The following EIF2AK2 variants were observed in gnomAD, a reference collection of about 807,000 sequenced individuals.
EIF2AK2 encodes interferon-induced, double-stranded RNA-activated protein kinase.
A neutral mutation model predicts 70.5 loss-of-function variants in EIF2AK2; 40 were observed. That is an observed-to-expected ratio of 0.57 (90% CI 0.44 to 0.74). The LOEUF is 0.74. Among genes scored for constraint, EIF2AK2 ranks in the 30% least tolerant of loss-of-function variants. The pLI is 0.00. For synonymous variants in EIF2AK2, 198 were observed against 220.9 expected, an observed-to-expected ratio of 0.90 and a Z score of 0.92; for missense variants, 555 against 644.3, an observed-to-expected ratio of 0.86 and a Z score of 1.50.
At chr2:37,134,149 A>C (rs1351331711) in intron 10 of EIF2AK2, among the ~76,000 whole-genome samples, 1 of 152,146 alleles carries the variant, frequency 6.6e-6, no homozygotes, top group Admixed American at 6.5e-5. Context: ...TCCAAAAAGG[A>C]GCTTCCTTTT....
In EIF2AK2 at chr2:37,104,428, TCCCACCTCACCCC is replaced by T; in HGVS notation, c.*2832_*2844del. ...TTGACCTCCTAGGCTCAAGTGATCC[TCCCACCTCACCCC>T]CCCAAGTAGCTGGGACCACAGATGC... is the stretch of plus-strand genomic sequence containing the variant. On this transcript the variant is annotated 3_prime_UTR_variant, in exon 17 of 17. Coordinates refer to ENST00000233057, the MANE Select transcript of EIF2AK2 (RefSeq NM_001135651.3). 1 of 152,150 alleles carries T rather than the reference TCCCACCTCACCCC, an allele frequency of 6.6e-6. No homozygotes were observed. Among genetic ancestry groups the T allele is most frequent in the East Asian group, 1.9e-4 (1 of 5,174 alleles). The allele number at this position is 152,150 out of a possible 1,614,324, so 9.4% of individuals were successfully genotyped here. A position where few individuals can be genotyped will look rare whatever the true frequency, so the allele number is the denominator to read the frequency against.
At chr2:37,108,340 T>C (rs746567569) in intron 15 of EIF2AK2, among the ~76,000 whole-genome samples, 2 of 152,106 alleles carry the variant, frequency 1.3e-5, no homozygotes, top group Non-Finnish European at 2.9e-5. Context: ...AAATACACTC[T>C]GTACATTCCC....
intron 10 of EIF2AK2, among the ~76,000 whole-genome samples, chr2:37,126,967 G>GAAAAAAAAAAAAAAAAA (rs57802509): frequency 3.8e-5 from 2 of 52,154 alleles, no homozygotes; most frequent in Non-Finnish European, 6.7e-5. Flanking sequence ...CAAAAAAACA[G>GAAAAAAAAAAAAAAAAA]AAAAAAAAAA....
rs370467450 is a variant in EIF2AK2, at chr2:37,135,566, T to C, written c.723-20A>G. On this transcript the variant is annotated intron_variant, in intron 9 of 16. Transcript: ENST00000233057. ...AAAGATCTAAAAATTAAGAGTTGAATGTAAAACTCAAATAAAATTGAAATC... is the reference window on the plus strand; with the variant it reads ...AAAGATCTAAAAATTAAGAGTTGAACGTAAAACTCAAATAAAATTGAAATC... 6.3e-7 allele frequency: 1 copy of C among 1,585,402 alleles called. No homozygotes were observed. Among genetic ancestry groups the C allele is most frequent in the African/African-American group, 1.4e-5 (1 of 73,422 alleles).
rs1293403595 is a variant in EIF2AK2 at position 37,101,749 on chromosome 2, A to T, written c.*5524T>A. On this transcript the variant is annotated 3_prime_UTR_variant, in exon 17 of 17. Transcript: ENST00000233057. ...AGAGTAAAGGAGACACATCAACCAAATGCAATGTTGGATCTAGATTTCAAC... is the reference window on the plus strand; with the variant it reads ...AGAGTAAAGGAGACACATCAACCAATTGCAATGTTGGATCTAGATTTCAAC... The T allele has an allele frequency of 1.3e-5, 2 of 152,184 alleles. No homozygotes were observed. The highest frequency in any genetic ancestry group is 2.9e-5 in the Non-Finnish European group (2 of 68,028). The allele number at this position is 152,184 out of a possible 1,614,324, so 9.4% of individuals were successfully genotyped here.
chr2:37,126,368 C>T lies in EIF2AK2; in HGVS notation c.829G>A (p.Gly277Arg). ...FKEIELIGSG[G>R]FGQVFKAKHR... is the part of the protein sequence containing the mutation. ...TTTGCTTTGAAAACTTGGCCAAATC[C>T]ACCTGAGCCAATTAATTCTATTTCT... The change falls in exon 11 of 17, where the codon GGA (glycine) becomes AGA (arginine). Residue 277 changes from glycine to arginine, a missense_variant. Around this residue, in one of 3 missense-constraint regions of EIF2AK2, gnomAD observed 299 missense variants for 375.4 expected, o/e 0.80. Transcript: ENST00000233057. The T allele has an allele frequency of 6.2e-7, 1 of 1,612,090 alleles. No homozygotes were observed. Among genetic ancestry groups the T allele is most frequent in the Non-Finnish European group, 8.5e-7 (1 of 1,179,294 alleles).
At chr2:37,153,337 C>CTTTTT (rs1553340565) in intron 1 of EIF2AK2, among the ~76,000 whole-genome samples, 1 of 109,890 alleles carries the variant, frequency 9.1e-6, no homozygotes, top group African/African-American at 3.3e-5. Context: ...CTCTGCTAAT[C>CTTTTT]TTTTTTTTTT....
At chr2:37,117,594 T>C (rs943676168) in intron 13 of EIF2AK2, among the ~76,000 whole-genome samples, 1 of 152,132 alleles carries the variant, frequency 6.6e-6, no homozygotes, top group Admixed American at 6.5e-5. Flanking sequence ...ATAATATGAT[T>C]AGACAAAATA....
At chr2:37,111,879 ATATAT>A (rs1320491022) in intron 14 of EIF2AK2, among the ~76,000 whole-genome samples, 605 of 41,144 alleles carry the variant, frequency 0.015, 7 homozygotes, top group African/African-American at 0.033. Flanking sequence ...AAAAAAAAAA[ATATAT>A]ATATATATAT....
chr2:37,144,040 A>G (rs1675435773), intron 4 of EIF2AK2, among the ~76,000 whole-genome samples: 1 of 152,254 alleles, frequency 6.6e-6, no homozygotes, highest in African/African-American at 2.4e-5. Flanking sequence ...CAGTGGTCCC[A>G]TAAGATTATA....
intron 6 of EIF2AK2, among the ~76,000 whole-genome samples, chr2:37,139,081 G>C (rs1675230901): frequency 1.3e-5 from 2 of 151,868 alleles, no homozygotes; most frequent in Non-Finnish European, 2.9e-5. Context: ...ACTTTAGGAG[G>C]CTGAGGTGGG....
chr2:37,122,838 G>GA (rs897408807), intron 11 of EIF2AK2, among the ~76,000 whole-genome samples, 174 bp from the exon 12 acceptor site: 3 of 151,846 alleles, frequency 2.0e-5, no homozygotes, highest in African/African-American at 4.8e-5. Flanking sequence ...TGAACATACT[G>GA]AAAAAAAACA....
intron 10 of EIF2AK2, among the ~76,000 whole-genome samples, chr2:37,126,620 A>G (rs1674738751): frequency 3.9e-5 from 6 of 152,048 alleles, no homozygotes; most frequent in Admixed American, 2.6e-4. Context: ...GTCTAACGTA[A>G]CATATCACCC....
chr2:37,139,167 T>C (rs1360955958), intron 6 of EIF2AK2, among the ~76,000 whole-genome samples: 1 of 151,730 alleles, frequency 6.6e-6, no homozygotes, highest in Admixed American at 6.6e-5. Context: ...AATAAAAAAT[T>C]AGCCGGGCAC....
At chr2:37,155,950 A>AAAAAAG (rs10638880) in intron 1 of EIF2AK2, among the ~76,000 whole-genome samples, 49,464 of 137,618 alleles carry the variant, frequency 0.36, 10,040 homozygotes, top group East Asian at 0.74. Context: ...AAAAAAAAAA[A>AAAAAAG]AAAAGAAAAG....
intron 2 of EIF2AK2, chr2:37,148,485 G>C (rs1015835225): frequency 7.4e-6 from 4 of 540,702 alleles, no homozygotes; most frequent in Non-Finnish European, 1.4e-5. Context: ...CCGTGACCTA[G>C]ATCTCTAGAC....
In EIF2AK2 at chr2:37,139,767, A is replaced by G. The variant is rs556299325; in HGVS notation, c.390-10T>C. ...GCATTTATAATGAAATCTAGGAGAA[A>G]TCATAGAAGGTACTTATCCAAACAT... On this transcript the variant is annotated splice_polypyrimidine_tract_variant and intron_variant, in intron 5 of 16. Coordinates refer to ENST00000233057, the MANE Select transcript of EIF2AK2 (RefSeq NM_001135651.3). The G allele has an allele frequency of 6.2e-7, 1 of 1,605,134 alleles. No individual in the cohort carries two copies. The highest frequency in any genetic ancestry group is 1.1e-5 in the South Asian group (1 of 88,564).
chr2:37,120,238 CT>C, intron 12 of EIF2AK2, 99 bp from the exon 13 acceptor site: 1 of 817,184 alleles, frequency 1.2e-6, no homozygotes, highest in Non-Finnish European at 1.6e-6. Context: ...TTTTTAAAAG[CT>C]TATACCTTAT....
chr2:37,143,662 T>C (rs761420107), intron 4 of EIF2AK2, among the ~76,000 whole-genome samples: 6 of 152,204 alleles, frequency 3.9e-5, no homozygotes, highest in South Asian at 2.1e-4. Context: ...GGTGGGCAGA[T>C]TGCTTGAGTC....
Sources: gnomAD v4.1 joint callset for allele counts (sites outside exome capture counted in the v4.1 genomes callset) on GRCh38, gnomAD v4.1.1 for gene constraint, gnomAD v4.1.1 regional missense constraint, MANE v1.5 for transcripts, NCBI Gene and HGNC (gene_info 2026-07-23, HGNC 2026-07-21) for gene names.